Variants in GRM4 observed in about 807,000 individuals in gnomAD.
GRM4 encodes metabotropic glutamate receptor 4.
GRM4 carries 28 observed loss-of-function variants against 81.7 expected under a neutral mutation model. That is an observed-to-expected ratio of 0.34 (90% CI 0.25 to 0.47). GRM4 has a LOEUF of 0.47. Ranked by LOEUF, GRM4 falls within the 20% of genes least tolerant of loss-of-function variation. The pLI is 1.00. For synonymous variants in GRM4, 488 were observed against 528.8 expected (o/e 0.92, Z 1.06); for missense variants, 948 against 1,290.0 (o/e 0.73, Z 4.06).
chr6:34,066,291 T>A (rs1766464596), intron 3 of GRM4, among the ~76,000 whole-genome samples: 1 of 152,044 alleles, frequency 6.6e-6, no homozygotes, highest in African/African-American at 2.4e-5. Flanking sequence ...GGAAACAACC[T>A]AAATGTTTTA....
intron 3 of GRM4, among the ~76,000 whole-genome samples, chr6:34,067,770 G>A (rs983737733): frequency 1.7e-4 from 26 of 152,118 alleles, no homozygotes; most frequent in Non-Finnish European, 3.4e-4. Context: ...CTGAGCAGAA[G>A]CACAAGGAGA....
intron 8 of GRM4, among the ~76,000 whole-genome samples, chr6:34,038,278 G>T (rs1274675835): frequency 6.6e-6 from 1 of 152,262 alleles, no homozygotes; most frequent in Non-Finnish European, 1.5e-5. Context: ...CTGATCCAAT[G>T]AAAGCAGATA....
intron 6 of GRM4, 85 bp downstream of exon 6, chr6:34,056,459 G>C (rs1468719263): frequency 1.6e-6 from 2 of 1,244,256 alleles, no homozygotes; most frequent in South Asian, 1.3e-5. Context: ...CAGACAAAGG[G>C]AGACTCTCGG....
At position 34,036,022 on chromosome 6, in the gene GRM4, G is replaced by A. The variant is rs1425782036; in HGVS notation, c.2088C>T (p.Pro696=). Residue 696 remains proline, a synonymous_variant, in exon 9 of 11, where the codon CCC becomes CCT. Transcript: ENST00000538487. This position sits in a 1 kb window ranked among gnomAD's most constrained non-coding sequence, Gnocchi z 9.0. ...RSVSAPRFIS[P]ASQLAITFSL... is the part of the protein sequence containing the mutation. ...TGAAGGTGATGGCCAGCTGTGAGGC[G>A]GGGCTGATGAAGCGTGGGGCACTGA... 38 of 1,614,060 alleles carry A rather than the reference G, an allele frequency of 2.4e-5. No homozygotes were observed. Among genetic ancestry groups the A allele is most frequent in the Admixed American group, 1.2e-4 (7 of 60,024 alleles).
chr6:34,047,917 A>C lies in GRM4; in HGVS notation c.1169-7169T>G, dbSNP rs966980356. Among the ~76,000 whole-genome samples, 1 of 152,136 alleles carries C rather than the reference A, an allele frequency of 6.6e-6. No homozygotes were observed. Among genetic ancestry groups the C allele is most frequent in the African/African-American group, 2.4e-5 (1 of 41,436 alleles). ...TTGAGCCAGCCACAGGCTCCTTTTGAAGGAAACCATTCTTGCAAACCCTCA... is the reference window on the plus strand; with the variant it reads ...TTGAGCCAGCCACAGGCTCCTTTTGCAGGAAACCATTCTTGCAAACCCTCA... On this transcript the variant is annotated intron_variant, in intron 6 of 10. Coordinates refer to ENST00000538487, the MANE Select transcript of GRM4 (RefSeq NM_000841.4). This position sits in a 1 kb window ranked among gnomAD's most constrained non-coding sequence, Gnocchi z 4.5.
rs2127467204 is a variant in GRM4, at chr6:34,068,986, G to A, written c.737-6958C>T. 6.6e-6 allele frequency among the ~76,000 whole-genome samples: 1 copy of A among 152,128 alleles called. No homozygotes were observed. Among genetic ancestry groups the A allele is most frequent in the South Asian group, 2.1e-4 (1 of 4,802 alleles). ...GAAAATAATGAAAAGACAAACCCTAGGAATTCAAGTGGAAAAATCTACCTT... is the reference window on the plus strand; with the variant it reads ...GAAAATAATGAAAAGACAAACCCTAAGAATTCAAGTGGAAAAATCTACCTT... On this transcript the variant is annotated intron_variant, in intron 3 of 10. Coordinates refer to ENST00000538487, the MANE Select transcript of GRM4 (RefSeq NM_000841.4). The surrounding 1 kb of genome is among the most constrained non-coding windows in gnomAD (Gnocchi z 4.2).
chr6:34,076,262 G>T (rs1021319692), intron 3 of GRM4, among the ~76,000 whole-genome samples: 1 of 152,174 alleles, frequency 6.6e-6, no homozygotes, highest in Non-Finnish European at 1.5e-5. Flanking sequence ...CAGGCTCGAT[G>T]CCCCCTCCCA....
At position 34,022,775 on chromosome 6, in the gene GRM4, C is replaced by A; in HGVS notation, c.*46G>T. On this transcript the variant is annotated 3_prime_UTR_variant, in exon 11 of 11. Coordinates refer to ENST00000538487, the MANE Select transcript of GRM4 (RefSeq NM_000841.4). The surrounding 1 kb of genome is among the most constrained non-coding windows in gnomAD (Gnocchi z 5.6). ...TGTGGCCCTGGCCCGACGCACCTTCCACAGGGTCACGGCTCCTCCTCCTGC... is the reference window on the plus strand; with the variant it reads ...TGTGGCCCTGGCCCGACGCACCTTCAACAGGGTCACGGCTCCTCCTCCTGC... 6.4e-7 allele frequency: 1 copy of A among 1,567,562 alleles called. No homozygotes were observed. The highest frequency in any genetic ancestry group is 8.8e-7 in the Non-Finnish European group (1 of 1,137,832).
At chr6:34,091,683 G>A (rs1768223867) in intron 3 of GRM4, 200 bp downstream of exon 3, 5 of 590,996 alleles carry the variant, frequency 8.5e-6, no homozygotes, top group South Asian at 4.1e-5. Context: ...CCTCACAGTC[G>A]CCGTTGACCG....
rs562830488 is a variant in GRM4 at position 34,066,346 on chromosome 6, A to G, written c.737-4318T>C. Among the ~76,000 whole-genome samples, 70 of 152,322 alleles carry G rather than the reference A, an allele frequency of 4.6e-4. 1 individual carries two copies. Among genetic ancestry groups the G allele is most frequent in the African/African-American group, 1.6e-3 (68 of 41,582 alleles). On this transcript the variant is annotated intron_variant, in intron 3 of 10. Coordinates refer to ENST00000538487, the MANE Select transcript of GRM4 (RefSeq NM_000841.4). ...CTGTGGTGTGTTTGCCCAATGGGAT[A>G]TTATGGAGTTAAGATGAATAACAGT...
intron 3 of GRM4, among the ~76,000 whole-genome samples, chr6:34,075,149 G>A (rs1203763189): frequency 1.3e-5 from 2 of 151,866 alleles, no homozygotes; most frequent in African/African-American, 4.8e-5. Context: ...CAGCCTGACT[G>A]CATGGCTCTG....
Position 34,048,889 on chromosome 6 carries a change from C to T in GRM4, c.1168+7655G>A, listed in dbSNP as rs1282730722. ...CCTCCCAGTCGCGCTTCCTGTACAG[C>T]CTGCAGAACTGTGAGCCAATTAAAC... is the stretch of plus-strand genomic sequence containing the variant. On this transcript the variant is annotated intron_variant, in intron 6 of 10. Transcript: ENST00000538487. The surrounding 1 kb of genome is among the most constrained non-coding windows in gnomAD (Gnocchi z 4.0). Among the ~76,000 whole-genome samples the T allele has an allele frequency of 6.6e-6, 1 of 152,146 alleles. No homozygotes were observed. The highest frequency in any genetic ancestry group is 1.9e-4 in the East Asian group (1 of 5,194).
rs1763781049 is a variant in GRM4 at position 34,019,049 on chromosome 6, CAG to C, written c.*3770_*3771del. On this transcript the variant is annotated 3_prime_UTR_variant, in exon 11 of 11. Transcript: ENST00000538487. ...GCCTTATGCAGGCTCAGCATCTTCT[CAG>C]GGGCTCCCCAGGACCCCTTGGAGGC... The C allele has an allele frequency of 6.6e-6, 1 of 151,702 alleles. No homozygotes were observed. The highest frequency in any genetic ancestry group is 1.5e-5 in the Non-Finnish European group (1 of 68,116). The allele number at this position is 151,702 out of a possible 1,614,324, so 9.4% of individuals were successfully genotyped here.
Position 34,092,217 on chromosome 6 carries a change from C to T in GRM4, c.520-118G>A. On this transcript the variant is annotated intron_variant, in intron 2 of 10. Coordinates refer to ENST00000538487, the MANE Select transcript of GRM4 (RefSeq NM_000841.4). This position sits in a 1 kb window ranked among gnomAD's most constrained non-coding sequence, Gnocchi z 6.8. ...CCCACAGCCTTGGGACCACCACAGC[C>T]CACCCCTCCCCATGGGCGATGCCTC... 1.5e-6 allele frequency: 1 copy of T among 654,338 alleles called. No individual in the cohort carries two copies. The highest frequency in any genetic ancestry group is 2.6e-6 in the Non-Finnish European group (1 of 380,558). The allele number at this position is 654,338 out of a possible 1,614,324, so 40.5% of individuals were successfully genotyped here.
In GRM4 at chr6:34,020,859, TAC is replaced by T. The variant is rs1763846662; in HGVS notation, c.*1960_*1961del. The T allele has an allele frequency of 6.6e-6, 1 of 152,352 alleles. No homozygotes were observed. Among genetic ancestry groups the T allele is most frequent in the Non-Finnish European group, 1.5e-5 (1 of 68,188 alleles). 9.4% of individuals were successfully genotyped at this position (152,352 alleles called of 1,614,324 possible). A position where few individuals can be genotyped will look rare whatever the true frequency, so the allele number is the denominator to read the frequency against. ...TGATTCAATGTCCCAGCCTCAGTTA[TAC>T]ACACACTCTCATACTCTGTCCCTGC... is the stretch of plus-strand genomic sequence containing the variant. On this transcript the variant is annotated 3_prime_UTR_variant, in exon 11 of 11. Coordinates refer to ENST00000538487, the MANE Select transcript of GRM4 (RefSeq NM_000841.4).
At chr6:34,108,871 G>A (rs2499720) in intron 2 of GRM4, among the ~76,000 whole-genome samples, 86,685 of 151,766 alleles carry the variant, frequency 0.57, 24,980 homozygotes, top group Admixed American at 0.66. Context: ...CTCCCGTCCT[G>A]TACCGGTGCA....
At chr6:34,077,134 C>G (rs545376961) in intron 3 of GRM4, among the ~76,000 whole-genome samples, 84 of 152,252 alleles carry the variant, frequency 5.5e-4, no homozygotes, top group Non-Finnish European at 1.0e-3. Flanking sequence ...GGACTAGACG[C>G]TCAAGTAATT....
intron 1 of GRM4, among the ~76,000 whole-genome samples, chr6:34,145,691 G>A (rs970952141): frequency 6.6e-6 from 1 of 152,218 alleles, no homozygotes; most frequent in Non-Finnish European, 1.5e-5. Flanking sequence ...GGGGCGAGGG[G>A]GCCGCAGCCG....
intron 2 of GRM4, among the ~76,000 whole-genome samples, chr6:34,129,681 G>T (rs1379593804): frequency 6.6e-6 from 1 of 152,180 alleles, no homozygotes; most frequent in Non-Finnish European, 1.5e-5. Context: ...CTCTTGAGCA[G>T]GCAGTCTCCC....
Sources: gnomAD v4.1 joint callset for allele counts (sites outside exome capture counted in the v4.1 genomes callset) on GRCh38, gnomAD v4.1.1 for gene constraint, Gnocchi (gnomAD v3.1) non-coding constraint, MANE v1.5 for transcripts, NCBI Gene and HGNC (gene_info 2026-07-23, HGNC 2026-07-21) for gene names.